The following TTBK2 variants were observed in gnomAD, a reference collection of about 807,000 sequenced individuals.
TTBK2 encodes tau-tubulin kinase 2.
In TTBK2, 28 loss-of-function variants were observed where a neutral mutation model predicts 110.8. The observed-to-expected ratio is 0.25, with a 90% CI of 0.19 to 0.35. The LOEUF (loss-of-function observed/expected upper bound fraction) is 0.35. Among genes scored for constraint, TTBK2 ranks in the 10% least tolerant of loss-of-function variants. The probability of loss-of-function intolerance (pLI) is 1.00; values close to 1 mark genes in which losing one functional copy is unlikely to be tolerated. For synonymous variants in TTBK2, 532 were observed against 527.3 expected, an observed-to-expected ratio of 1.01 and a Z score of -0.12; for missense variants, 1,369 against 1,500.3, an observed-to-expected ratio of 0.91 and a Z score of 1.45.
At position 42,827,272 on chromosome 15, in the gene TTBK2, C is replaced by T. The variant is rs905613742; in HGVS notation, c.537+656G>A. ...ATAGATTTCACTAAAATGATCCTGT[C>T]GGACACTAAACAAAAAATAACAACA... On this transcript the variant is annotated intron_variant, in intron 6 of 14. Transcript: ENST00000267890. Among the ~76,000 whole-genome samples, 7 of 152,042 alleles carry T rather than the reference C, an allele frequency of 4.6e-5. No homozygotes were observed. In the East Asian group the frequency reaches 9.6e-4, roughly 21 times the overall value.
intron 13 of TTBK2, among the ~76,000 whole-genome samples, chr15:42,763,141 T>TAC: frequency 1.2e-5 from 1 of 80,534 alleles, no homozygotes; most frequent in South Asian, 4.7e-4. Context: ...CATATATACA[T>TAC]ACATATATAT....
At chr15:42,764,192 G>A (rs1247899040) in intron 13 of TTBK2, among the ~76,000 whole-genome samples, 5 of 152,140 alleles carry the variant, frequency 3.3e-5, no homozygotes, top group East Asian at 1.9e-4. Flanking sequence ...CATGACTGAC[G>A]CAGAAGACAG....
intron 13 of TTBK2, among the ~76,000 whole-genome samples, chr15:42,754,435 G>A (rs1319025394): frequency 3.3e-5 from 5 of 150,602 alleles, no homozygotes; most frequent in African/African-American, 9.8e-5. Flanking sequence ...TTGCTCTGTC[G>A]CCCAGGCTGG....
At chr15:42,754,041 A>C (rs891461253) in intron 13 of TTBK2, among the ~76,000 whole-genome samples, 1 of 151,938 alleles carries the variant, frequency 6.6e-6, no homozygotes, top group African/African-American at 2.4e-5. Flanking sequence ...AAGTAAAGAC[A>C]TACAAAGGTA....
At chr15:42,797,804 T>C (rs1302515965) in intron 9 of TTBK2, among the ~76,000 whole-genome samples, 1 of 152,090 alleles carries the variant, frequency 6.6e-6, no homozygotes, top group East Asian at 1.9e-4. Flanking sequence ...TGTGAATACA[T>C]GTCTGTGTAT....
intron 2 of TTBK2, among the ~76,000 whole-genome samples, chr15:42,877,933 T>C (rs571905744): frequency 2.0e-5 from 3 of 152,132 alleles, no homozygotes; most frequent in Admixed American, 6.5e-5. Flanking sequence ...TAATCATACA[T>C]TGATGACTAT....
At chr15:42,814,190 T>G (rs995656830) in intron 7 of TTBK2, among the ~76,000 whole-genome samples, 1 of 152,086 alleles carries the variant, frequency 6.6e-6, no homozygotes, top group Non-Finnish European at 1.5e-5. Flanking sequence ...CCCAGCTAAT[T>G]TTTATATTTT....
At chr15:42,817,690 C>A (rs1892096350) in intron 6 of TTBK2, among the ~76,000 whole-genome samples, 1 of 152,196 alleles carries the variant, frequency 6.6e-6, no homozygotes, top group African/African-American at 2.4e-5. Context: ...TCAGAGAACT[C>A]AACTTAGAAT....
At chr15:42,895,855 C>G (rs763594967) in intron 1 of TTBK2, among the ~76,000 whole-genome samples, 1 of 151,876 alleles carries the variant, frequency 6.6e-6, no homozygotes, top group African/African-American at 2.4e-5. Flanking sequence ...GATTCCATTA[C>G]CACTATCTAA....
chr15:42,892,800 A>C (rs1895511775), intron 1 of TTBK2, among the ~76,000 whole-genome samples: 1 of 151,404 alleles, frequency 6.6e-6, no homozygotes, highest in Non-Finnish European at 1.5e-5. Context: ...ACCTGAGGTC[A>C]GGAGTTCAAG....
intron 1 of TTBK2, among the ~76,000 whole-genome samples, chr15:42,914,015 C>T (rs1041153118): frequency 6.7e-6 from 1 of 149,904 alleles, no homozygotes; most frequent in Non-Finnish European, 1.5e-5. Flanking sequence ...TTTGCTCTGT[C>T]ACCCAGGCTG....
intron 6 of TTBK2, among the ~76,000 whole-genome samples, chr15:42,820,736 C>T (rs1567043210): frequency 6.6e-6 from 1 of 151,948 alleles, no homozygotes; most frequent in Non-Finnish European, 1.5e-5. Context: ...CACAGTAGTT[C>T]ATGGCTATAA....
intron 3 of TTBK2, among the ~76,000 whole-genome samples, chr15:42,845,368 T>TA (rs932747631): frequency 2.0e-5 from 3 of 151,876 alleles, no homozygotes; most frequent in Non-Finnish European, 4.4e-5. Context: ...AAGTCTCTGA[T>TA]AAAAAATGGG....
intron 3 of TTBK2, among the ~76,000 whole-genome samples, chr15:42,865,609 G>C (rs1005969519): frequency 4.0e-5 from 6 of 151,630 alleles, no homozygotes; most frequent in Admixed American, 2.0e-4. Flanking sequence ...GATCACCTGA[G>C]GCCAGGAGTT....
chr15:42,913,536 G>A (rs1322840191), intron 1 of TTBK2, among the ~76,000 whole-genome samples: 2 of 152,008 alleles, frequency 1.3e-5, no homozygotes, highest in African/African-American at 2.4e-5. Context: ...TACTCAGGAG[G>A]CTGAGGCAGG....
intron 7 of TTBK2, among the ~76,000 whole-genome samples, chr15:42,812,897 A>G (rs1417927147): frequency 1.3e-5 from 2 of 152,158 alleles, no homozygotes; most frequent in South Asian, 2.1e-4. Flanking sequence ...AAAAAAATCA[A>G]TTGGAAAACA....
chr15:42,793,101 A>C (rs1420019263), intron 10 of TTBK2, among the ~76,000 whole-genome samples: 3 of 152,202 alleles, frequency 2.0e-5, no homozygotes, highest in Non-Finnish European at 1.5e-5. Flanking sequence ...CCTCACTTGT[A>C]AGATAGGGTG....
intron 7 of TTBK2, among the ~76,000 whole-genome samples, chr15:42,814,483 GAGA>G (rs1286758620): frequency 1.3e-5 from 2 of 152,016 alleles, no homozygotes; most frequent in African/African-American, 2.4e-5. Context: ...AGGCTGAAGT[GAGA>G]AGATTGCTTG....
At chr15:42,874,190 C>A (rs1894719335) in intron 2 of TTBK2, among the ~76,000 whole-genome samples, 1 of 152,122 alleles carries the variant, frequency 6.6e-6, no homozygotes, top group Non-Finnish European at 1.5e-5. Flanking sequence ...AAAGAGATGG[C>A]CATTTGTTCT....
Sources: allele counts gnomAD v4.1 joint callset (sites outside exome capture counted in the v4.1 genomes callset), GRCh38; gene constraint gnomAD v4.1.1; transcripts MANE v1.5; gene names NCBI Gene and HGNC (gene_info 2026-07-23, HGNC 2026-07-21).